Variants in ADAMTS12 observed in about 807,000 individuals in gnomAD.
ADAMTS12 encodes ADAM metallopeptidase with thrombospondin type 1 motif 12.
A neutral mutation model predicts 167.8 loss-of-function variants in ADAMTS12; 118 were observed. The ratio of observed to expected loss-of-function variants is 0.70; its 90% confidence interval spans 0.61 to 0.82. The LOEUF is 0.82. Ranked by LOEUF, ADAMTS12 falls within the 40% of genes least tolerant of loss-of-function variation. The pLI, the probability that ADAMTS12 is intolerant of heterozygous loss-of-function variation, is 0.00. For missense variants in ADAMTS12, 1,916 were observed against 1,998.8 expected (o/e 0.96, Z 0.79); for synonymous variants, 704 against 716.9 (o/e 0.98, Z 0.29).
intron 2 of ADAMTS12, among the ~76,000 whole-genome samples, chr5:33,802,244 A>T (rs950601610): frequency 1.3e-5 from 2 of 152,206 alleles, no homozygotes; most frequent in African/African-American, 4.8e-5. Context: ...CAGCCCAAAA[A>T]GACTAAGAGA....
intron 20 of ADAMTS12, among the ~76,000 whole-genome samples, chr5:33,558,164 G>A (rs998749435): frequency 4.6e-5 from 7 of 152,048 alleles, no homozygotes; most frequent in Admixed American, 3.3e-4. Flanking sequence ...CCCCCAGTCC[G>A]TGGAAAAAGA....
At chr5:33,820,390 T>G (rs533289820) in intron 2 of ADAMTS12, among the ~76,000 whole-genome samples, 1 of 152,348 alleles carries the variant, frequency 6.6e-6, no homozygotes, top group South Asian at 2.1e-4. Context: ...CTTTTAAGTA[T>G]GCTTTTGCAT....
chr5:33,619,690 T>C (rs1032606004), intron 14 of ADAMTS12, among the ~76,000 whole-genome samples: 47 of 152,094 alleles, frequency 3.1e-4, no homozygotes, highest in African/African-American at 7.2e-5. Flanking sequence ...TATGTATATA[T>C]TTATTTATTT....
chr5:33,649,062 G>T, intron 8 of ADAMTS12, 96 bp from the exon 9 acceptor site: 2 of 1,453,726 alleles, frequency 1.4e-6, no homozygotes, highest in Non-Finnish European at 1.9e-6. Flanking sequence ...TTTACTCTTT[G>T]TCCTTTAAGA....
At chr5:33,658,542 A>C (rs1488763857) in intron 6 of ADAMTS12, among the ~76,000 whole-genome samples, 2 of 152,222 alleles carry the variant, frequency 1.3e-5, no homozygotes, top group Non-Finnish European at 2.9e-5. Context: ...TCACCAACAC[A>C]GAATGTGGGA....
Position 33,557,402 on chromosome 5 carries a change from C to A in ADAMTS12, c.4125+3625G>T, listed in dbSNP as rs367932983. Among the ~76,000 whole-genome samples, 25 of 152,236 alleles carry A rather than the reference C, an allele frequency of 1.6e-4. No individual in the cohort carries two copies. In the South Asian group the frequency reaches 4.6e-3, roughly 28 times the overall value. On this transcript the variant is annotated intron_variant, in intron 20 of 23. Transcript: ENST00000504830. The stretch of plus-strand genomic sequence containing the variant: ...TCCTGCTCTGGATTTTGAAGGTCTG[C>A]CACAAAGAGAGCATAAAAGGCCTAT...
At chr5:33,542,672 C>A (rs530220077) in intron 22 of ADAMTS12, among the ~76,000 whole-genome samples, 2 of 152,288 alleles carry the variant, frequency 1.3e-5, no homozygotes, top group South Asian at 4.1e-4. Context: ...TCTCTCAGAC[C>A]ACAGTGCAAT....
rs541682071 is a variant in ADAMTS12 at position 33,778,926 on chromosome 5, G to T, written c.490-27378C>A. Among the ~76,000 whole-genome samples, 3 of 152,042 alleles carry T rather than the reference G, an allele frequency of 2.0e-5. No individual in the cohort carries two copies. In the East Asian group the frequency reaches 5.8e-4, roughly 29 times the overall value. On this transcript the variant is annotated intron_variant, in intron 2 of 23. Coordinates refer to ENST00000504830, the MANE Select transcript of ADAMTS12 (RefSeq NM_030955.4). Reference sequence around the variant, plus strand: ...GAGATATAACAGCACTAACCATCAGGAAAATGCAAATCAAAACCACAATGA... The same window carrying T: ...GAGATATAACAGCACTAACCATCAGTAAAATGCAAATCAAAACCACAATGA...
chr5:33,853,707 C>A (rs1749300517), intron 2 of ADAMTS12, among the ~76,000 whole-genome samples: 1 of 152,208 alleles, frequency 6.6e-6, no homozygotes, highest in Non-Finnish European at 1.5e-5. Flanking sequence ...CAATTTGCCA[C>A]AAGGATGCAA....
intron 19 of ADAMTS12, among the ~76,000 whole-genome samples, chr5:33,573,407 G>T (rs527434714): frequency 6.6e-6 from 1 of 152,174 alleles, no homozygotes; most frequent in Non-Finnish European, 1.5e-5. Flanking sequence ...CAGAGACATA[G>T]ATCAATGGAA....
At chr5:33,608,590 A>G (rs983166689) in intron 16 of ADAMTS12, among the ~76,000 whole-genome samples, 1 of 152,206 alleles carries the variant, frequency 6.6e-6, no homozygotes, top group African/African-American at 2.4e-5. Context: ...GCTGCCCCAG[A>G]GAAGCCACAA....
At chr5:33,614,170 G>T in intron 16 of ADAMTS12, 68 bp downstream of exon 16, 1 of 1,565,154 alleles carries the variant, frequency 6.4e-7, no homozygotes. Flanking sequence ...GCAAATCACT[G>T]GTGTAATCAC....
At chr5:33,787,451 C>T (rs926325812) in intron 2 of ADAMTS12, among the ~76,000 whole-genome samples, 13 of 152,222 alleles carry the variant, frequency 8.5e-5, no homozygotes, top group Non-Finnish European at 8.8e-5. Flanking sequence ...CATTTGTGGA[C>T]AAAACCTTCA....
chr5:33,629,065 C>G (rs1739795643), intron 13 of ADAMTS12, among the ~76,000 whole-genome samples: 1 of 152,150 alleles, frequency 6.6e-6, no homozygotes, highest in South Asian at 2.1e-4. Context: ...AATTCGGGAT[C>G]TCTGGGATGT....
chr5:33,634,455 A>G (rs6896805), intron 12 of ADAMTS12, among the ~76,000 whole-genome samples: 127,818 of 152,148 alleles, frequency 0.84, 54,009 homozygotes, highest in Non-Finnish European at 0.89. Flanking sequence ...ACAGATCCCA[A>G]GAAATACTAA....
chr5:33,559,157 A>G (rs562627895), intron 20 of ADAMTS12, among the ~76,000 whole-genome samples: 7 of 152,320 alleles, frequency 4.6e-5, no homozygotes, highest in Non-Finnish European at 8.8e-5. Flanking sequence ...TAGATGAAGA[A>G]ACAAATGTCT....
chr5:33,524,658 C>T lies in ADAMTS12; in HGVS notation c.*2530G>A, dbSNP rs1743723513. 6.6e-6 allele frequency: 1 copy of T among 152,246 alleles called. No homozygotes were observed. The highest frequency in any genetic ancestry group is 6.5e-5 in the Admixed American group (1 of 15,284). 9.4% of individuals were successfully genotyped at this position (152,246 alleles called of 1,614,324 possible). ...GCAAGCACTGGGACATGTCAAAATA[C>T]TGACGACTCATCACTGAGTGATCGC... On this transcript the variant is annotated 3_prime_UTR_variant, in exon 24 of 24. Transcript: ENST00000504830.
chr5:33,742,398 A>G (rs1185758198), intron 3 of ADAMTS12, among the ~76,000 whole-genome samples: 1 of 151,478 alleles, frequency 6.6e-6, no homozygotes, highest in Admixed American at 6.6e-5. Flanking sequence ...ATGGGACACC[A>G]CGGGGGTGGG....
intron 2 of ADAMTS12, among the ~76,000 whole-genome samples, chr5:33,806,279 C>CA (rs1481562078): frequency 1.3e-5 from 2 of 152,116 alleles, no homozygotes; most frequent in Non-Finnish European, 1.5e-5. Flanking sequence ...CCCTTACTCC[C>CA]AATATACAGA....
Sources: allele counts gnomAD v4.1 joint callset (sites outside exome capture counted in the v4.1 genomes callset), GRCh38; gene constraint gnomAD v4.1.1; transcripts MANE v1.5; gene names NCBI Gene and HGNC (gene_info 2026-07-23, HGNC 2026-07-21).